The following ACAP2 variants were observed in gnomAD, a reference collection of about 807,000 sequenced individuals.
ACAP2 encodes the protein arf-GAP with coiled-coil, ANK repeat and PH domain-containing protein 2.
A neutral mutation model predicts 115.8 loss-of-function variants in ACAP2; 39 were observed. The observed-to-expected ratio is 0.34, with a 90% CI of 0.26 to 0.44. ACAP2 has a LOEUF of 0.44. ACAP2 is among the 20% of genes least tolerant of loss of function. ACAP2 has a pLI of 1.00. For missense variants in ACAP2, 662 were observed against 927.6 expected (o/e 0.71, Z 3.72); for synonymous variants, 289 against 315.8 (o/e 0.92, Z 0.90).
intron 1 of ACAP2, chr3:195,412,745 G>A (rs57063250): frequency 0.33 from 93,203 of 279,658 alleles, 17,336 homozygotes; most frequent in East Asian, 0.81. Flanking sequence ...AATTAAAACC[G>A]TAACTGCCTT....
intron 1 of ACAP2, among the ~76,000 whole-genome samples, chr3:195,429,242 G>T (rs1198937679): frequency 6.6e-6 from 1 of 151,934 alleles, no homozygotes; most frequent in African/African-American, 2.4e-5. Flanking sequence ...ACAAAAATTA[G>T]TCGGGTGTGG....
In ACAP2 at chr3:195,326,900, G is replaced by T; in HGVS notation, c.729C>A (p.Ser243=). The T allele has an allele frequency of 6.2e-7, 1 of 1,613,856 alleles. No individual in the cohort carries two copies. The highest frequency in any genetic ancestry group is 1.3e-5 in the African/African-American group (1 of 74,988). ...CCTGAGGTACCTTTTGTTGAATGGT[G>T]GAATGTTTTTGCTCCATTTCTCTTT... ...KEKREMEQKH[S]TIQQKDFSSD... The change falls in exon 9 of 23, where the codon TCC becomes TCA. Residue 243 remains serine (S), a synonymous_variant. Coordinates refer to ENST00000326793, the MANE Select transcript of ACAP2 (RefSeq NM_012287.6).
Position 195,442,893 on chromosome 3 carries a change from C to T in ACAP2, c.-46G>A, listed in dbSNP as rs56307767. ...GGCGCTGGCAAAGCCGAGGGGGCCG[C>T]GGGAGCGGCCGCGCTGGGACGCAGA... On this transcript the variant is annotated 5_prime_UTR_variant, in exon 1 of 23. Coordinates refer to ENST00000326793, the MANE Select transcript of ACAP2 (RefSeq NM_012287.6). The T allele has an allele frequency of 7.4e-6, 11 of 1,485,942 alleles. No individual in the cohort carries two copies. The highest frequency in any genetic ancestry group is 9.0e-6 in the Non-Finnish European group (10 of 1,117,262). 92.0% of individuals were successfully genotyped at this position (1,485,942 alleles called of 1,614,324 possible).
intron 22 of ACAP2, 177 bp downstream of exon 22, chr3:195,285,619 G>A (rs1329551550): frequency 9.1e-6 from 5 of 546,774 alleles, no homozygotes; most frequent in Non-Finnish European, 1.6e-5. Flanking sequence ...AGCCACCCAA[G>A]GATTCAGTTA....
chr3:195,383,782 A>G (rs1035020773), intron 2 of ACAP2, among the ~76,000 whole-genome samples: 1 of 152,222 alleles, frequency 6.6e-6, no homozygotes, highest in Non-Finnish European at 1.5e-5. Context: ...TATATAAATC[A>G]TTTTGAAAAT....
chr3:195,302,230 T>C lies in ACAP2; in HGVS notation c.1117-56A>G, dbSNP rs552603318. 4.5e-4 allele frequency: 669 copies of C among 1,484,440 alleles called. 6 individuals carry two copies. The highest frequency in any genetic ancestry group is 4.5e-3 in the South Asian group (360 of 80,668). 92.0% of individuals were successfully genotyped at this position (1,484,440 alleles called of 1,614,324 possible). On this transcript the variant is annotated intron_variant, in intron 13 of 22. Coordinates refer to ENST00000326793, the MANE Select transcript of ACAP2 (RefSeq NM_012287.6). The stretch of plus-strand genomic sequence containing the variant: ...AAAAAAAAAAGATTGAAATACTTTG[T>C]TGCACACTACATGCTCCAAACTAAA...
At chr3:195,439,279 G>C (rs1427567985) in intron 1 of ACAP2, among the ~76,000 whole-genome samples, 1 of 147,296 alleles carries the variant, frequency 6.8e-6, no homozygotes, top group East Asian at 2.0e-4. Context: ...ACTCACTGCA[G>C]CCTTGACCTC....
At chr3:195,380,561 C>T (rs1207126562) in intron 4 of ACAP2, among the ~76,000 whole-genome samples, 1 of 152,084 alleles carries the variant, frequency 6.6e-6, no homozygotes, top group African/African-American at 2.4e-5. Flanking sequence ...CTTAAACACA[C>T]ATATAAATAG....
intron 11 of ACAP2, among the ~76,000 whole-genome samples, chr3:195,308,437 G>C (rs1728555528): frequency 1.3e-5 from 2 of 152,090 alleles, no homozygotes; most frequent in African/African-American, 4.8e-5. Flanking sequence ...ACCCTGATTT[G>C]ATCATCACAC....
rs1405578898 is a variant in ACAP2, at chr3:195,290,845, TAAATAATA to T, written c.2063+853_2063+860del. Among the ~76,000 whole-genome samples the T allele has an allele frequency of 3.1e-4, 39 of 125,220 alleles. 1 individual carries two copies. The highest frequency in any genetic ancestry group is 3.0e-3 in the Admixed American group (34 of 11,478). 82.1% of individuals were successfully genotyped at this position (125,220 alleles called of 152,430 possible). A position where few individuals can be genotyped will look rare whatever the true frequency, so the allele number is the denominator to read the frequency against. On this transcript the variant is annotated intron_variant, in intron 20 of 22. Coordinates refer to ENST00000326793, the MANE Select transcript of ACAP2 (RefSeq NM_012287.6). ...ATAAATAAATAAATAAATAAATAAA[TAAATAATA>T]AATAAATAAATAAATAAATAAAAAT...
At chr3:195,398,964 G>A (rs1317936920) in intron 1 of ACAP2, among the ~76,000 whole-genome samples, 2 of 152,174 alleles carry the variant, frequency 1.3e-5, no homozygotes, top group Non-Finnish European at 1.5e-5. Context: ...CTCTGAAACA[G>A]CTTGACTATC....
chr3:195,287,274 A>G (rs1726905571), intron 21 of ACAP2, among the ~76,000 whole-genome samples: 1 of 152,256 alleles, frequency 6.6e-6, no homozygotes, highest in African/African-American at 2.4e-5. Flanking sequence ...CATGTGTAAT[A>G]AACTACTTTG....
At position 195,342,540 on chromosome 3, in the gene ACAP2, T is replaced by C; in HGVS notation, c.459A>G (p.Glu153=). 1 of 1,613,054 alleles carries C rather than the reference T, an allele frequency of 6.2e-7. No individual in the cohort carries two copies. Among genetic ancestry groups the C allele is most frequent in the Non-Finnish European group, 8.5e-7 (1 of 1,179,766 alleles). ...QVQRNKQHEV[E]EATNILTATR... is the part of the protein sequence containing the mutation. Reference sequence around the variant, plus strand: ...TTGCTGTCAGAATGTTGGTGGCTTCTTCAACTTCATGTTGTTTGTTTCTTT... The same window carrying C: ...TTGCTGTCAGAATGTTGGTGGCTTCCTCAACTTCATGTTGTTTGTTTCTTT... The change falls in exon 6 of 23, where the codon GAA becomes GAG. Residue 153 remains glutamate, a synonymous_variant. Coordinates refer to ENST00000326793, the MANE Select transcript of ACAP2 (RefSeq NM_012287.6).
At chr3:195,288,466 A>G (rs991303551) in intron 21 of ACAP2, among the ~76,000 whole-genome samples, 16 of 152,146 alleles carry the variant, frequency 1.1e-4, no homozygotes, top group African/African-American at 3.4e-4. Context: ...GTGCAAGTAC[A>G]GTTGGCCGCT....
chr3:195,326,923 T>C lies in ACAP2; in HGVS notation c.706A>G (p.Arg236Gly), dbSNP rs1729833043. 6.2e-7 allele frequency: 1 copy of C among 1,613,888 alleles called. No homozygotes were observed. The highest frequency in any genetic ancestry group is 1.1e-5 in the South Asian group (1 of 91,080). ...GTGGAATGTTTTTGCTCCATTTCTC[T>C]TTTCTCCTTTGCTGCATCCACAACC... The part of the protein sequence containing the change: ...RLVVDAAKEK[R>G]EMEQKHSTIQ... Residue 236 changes from arginine to glycine, a missense_variant, in exon 9 of 23, where the codon AGA (arginine) becomes GGA (glycine). Transcript: ENST00000326793.
intron 4 of ACAP2, among the ~76,000 whole-genome samples, chr3:195,367,290 AG>A (rs1225352985): frequency 6.6e-6 from 1 of 152,194 alleles, no homozygotes; most frequent in East Asian, 1.9e-4. Flanking sequence ...CTGCTGGTCC[AG>A]GGACCACTCA....
intron 9 of ACAP2, among the ~76,000 whole-genome samples, chr3:195,323,756 G>A (rs543188976): frequency 8.5e-5 from 13 of 152,068 alleles, no homozygotes; most frequent in Non-Finnish European, 1.8e-4. Flanking sequence ...ACCAGAGGCT[G>A]GGAGTGGTGG....
intron 1 of ACAP2, among the ~76,000 whole-genome samples, chr3:195,426,543 A>G (rs1355210586): frequency 1.3e-5 from 2 of 152,148 alleles, no homozygotes; most frequent in Non-Finnish European, 2.9e-5. Context: ...AACACATCTA[A>G]AACAGGATTA....
chr3:195,388,630 C>T (rs1421487609), intron 2 of ACAP2, among the ~76,000 whole-genome samples: 1 of 152,210 alleles, frequency 6.6e-6, no homozygotes, highest in Non-Finnish European at 1.5e-5. Flanking sequence ...ATTAGTCCTT[C>T]ACTGACACTA....
Sources: gnomAD v4.1 joint callset for allele counts (sites outside exome capture counted in the v4.1 genomes callset) on GRCh38, gnomAD v4.1.1 for gene constraint, MANE v1.5 for transcripts, NCBI Gene and HGNC (gene_info 2026-07-23, HGNC 2026-07-21) for gene names.